COL5A1: variants seen among roughly 807,000 people sequenced by gnomAD.
COL5A1 encodes the protein collagen alpha-1(V) chain.
A neutral mutation model predicts 263.7 loss-of-function variants in COL5A1; 16 were observed. That is an observed-to-expected ratio of 0.06 (90% CI 0.04 to 0.09). The LOEUF is 0.09. COL5A1 is among the 10% of genes least tolerant of loss of function. COL5A1 has a pLI of 1.00. For missense variants in COL5A1, 2,036 were observed against 2,540.5 expected (o/e 0.80, Z 4.27); for synonymous variants, 1,012 against 1,004.5 (o/e 1.01, Z -0.14).
At chr9:134,827,746 G>A (rs1333755655) in intron 63 of COL5A1, among the ~76,000 whole-genome samples, 1 of 152,194 alleles carries the variant, frequency 6.6e-6, no homozygotes, top group African/African-American at 2.4e-5. Flanking sequence ...AAGGGCAAGT[G>A]GAGACGCTTT....
chr9:134,715,004 G>C (rs1172930714), intron 4 of COL5A1, among the ~76,000 whole-genome samples: 1 of 152,016 alleles, frequency 6.6e-6, no homozygotes, highest in Non-Finnish European at 1.5e-5. Context: ...AGAAAAGAAA[G>C]AGACACAGAG....
In COL5A1 at chr9:134,690,738, C is replaced by T. The variant is rs147077105; in HGVS notation, c.110-174C>T. 9.0e-4 allele frequency among the ~76,000 whole-genome samples: 137 copies of T among 152,304 alleles called. 1 individual carries two copies. Among genetic ancestry groups the T allele is most frequent in the Non-Finnish European group, 1.6e-3 (112 of 68,020 alleles). ...ACAAGGATGGGACCCTCCTCCGCAG[C>T]GTGGTGCCCTGCCTCGCCCAGCACG... is the stretch of plus-strand genomic sequence containing the variant. On this transcript the variant is annotated intron_variant, in intron 1 of 65. Transcript: ENST00000371817.
chr9:134,760,655 A>ACT (rs1836362768), intron 18 of COL5A1, among the ~76,000 whole-genome samples: 1 of 118,918 alleles, frequency 8.4e-6, no homozygotes, highest in Non-Finnish European at 1.7e-5. Context: ...ACTCATGCAC[A>ACT]CACACACACC....
At position 134,757,088 on chromosome 9, in the gene COL5A1, G is replaced by A. The variant is rs1009859144; in HGVS notation, c.1881+270G>A. 6.6e-6 allele frequency among the ~76,000 whole-genome samples: 1 copy of A among 152,124 alleles called. No homozygotes were observed. ...GGGATCCCGACTATGAAAACCATCC[G>A]TGGCCGTGCAGGTGACGAGGCGCAT... On this transcript the variant is annotated intron_variant, in intron 17 of 65. Coordinates refer to ENST00000371817, the MANE Select transcript of COL5A1 (RefSeq NM_000093.5). This position sits in a 1 kb window ranked among gnomAD's most constrained non-coding sequence, Gnocchi z 6.2.
At chr9:134,695,602 T>TA (rs913135013) in intron 2 of COL5A1, among the ~76,000 whole-genome samples, 5 of 152,144 alleles carry the variant, frequency 3.3e-5, no homozygotes, top group African/African-American at 1.2e-4. Context: ...CACTCCCCTG[T>TA]ACCCCCATAG....
At chr9:134,833,398 G>A (rs1240861467) in intron 64 of COL5A1, among the ~76,000 whole-genome samples, 1 of 152,208 alleles carries the variant, frequency 6.6e-6, no homozygotes, top group East Asian at 1.9e-4. Context: ...GCTGCACATT[G>A]TCCTCTGATG....
chr9:134,834,766 A>G (rs969243328), intron 64 of COL5A1, among the ~76,000 whole-genome samples: 7 of 152,198 alleles, frequency 4.6e-5, no homozygotes, highest in African/African-American at 1.7e-4. Flanking sequence ...CCTGAAGGAC[A>G]TGAGGCATGG....
At position 134,782,718 on chromosome 9, in the gene COL5A1, C is replaced by G. The variant is rs185912761; in HGVS notation, c.2482C>G (p.Arg828Gly). The G allele has an allele frequency of 6.4e-7, 1 of 1,552,716 alleles. No individual in the cohort carries two copies. The highest frequency in any genetic ancestry group is 8.7e-7 in the Non-Finnish European group (1 of 1,144,344). The change falls in exon 29 of 66, where the codon CGG (arginine) becomes GGG (glycine). Residue 828 changes from arginine to glycine, a missense_variant and splice_region_variant. Physicochemically the swap from Arg to Gly is moderately radical, Grantham distance 125. Around this residue, in one of 3 missense-constraint regions of COL5A1, gnomAD observed 1,078 missense variants for 1,521.4 expected, o/e 0.71. Transcript: ENST00000371817. ...FKGDMGIKGDRGEIGPPGPRG... is the reference protein window; with the variant it reads ...FKGDMGIKGDGGEIGPPGPRG... ...AGGAGACATGGGCATCAAGGGTGAT[C>G]GGGTGAGCATCTCAGGTTTGGGATT...
Position 134,677,310 on chromosome 9 carries a change from C to T in COL5A1, c.110-13602C>T, listed in dbSNP as rs1192507363. 6.6e-6 allele frequency among the ~76,000 whole-genome samples: 1 copy of T among 152,174 alleles called. No homozygotes were observed. The highest frequency in any genetic ancestry group is 1.5e-5 in the Non-Finnish European group (1 of 68,024). ...GAAGGCAGGCCCTGGTATTACACCT[C>T]CTTTCCTGCAGGGGAAAAGGCTCAG... On this transcript the variant is annotated intron_variant, in intron 1 of 65. Coordinates refer to ENST00000371817, the MANE Select transcript of COL5A1 (RefSeq NM_000093.5). This position sits in a 1 kb window ranked among gnomAD's most constrained non-coding sequence, Gnocchi z 4.4.
intron 1 of COL5A1, among the ~76,000 whole-genome samples, chr9:134,671,026 C>T (rs752873754): frequency 3.1e-4 from 47 of 152,178 alleles, no homozygotes; most frequent in Non-Finnish European, 5.3e-4. Context: ...GACGTGAAGT[C>T]GGGGCCTGCT....
At chr9:134,822,044 C>T (rs896078281) in intron 58 of COL5A1, 53 bp from the exon 59 acceptor site, 17 of 1,532,972 alleles carry the variant, frequency 1.1e-5, no homozygotes, top group African/African-American at 6.8e-5. Context: ...GTTGCAGCCC[C>T]GCAGCTCCTC....
intron 20 of COL5A1, 66 bp downstream of exon 20, chr9:134,763,803 T>A: frequency 6.7e-7 from 1 of 1,486,832 alleles, no homozygotes; most frequent in Non-Finnish European, 9.4e-7. Flanking sequence ...CCAAGGCTCC[T>A]GCTGGAGCAG....
chr9:134,644,884 G>A (rs1831425048), intron 1 of COL5A1, among the ~76,000 whole-genome samples: 1 of 152,214 alleles, frequency 6.6e-6, no homozygotes, highest in African/African-American at 2.4e-5. Context: ...AGTCGGCCAA[G>A]TTTTGTGAGA....
chr9:134,708,421 G>GA (rs1038594128), intron 4 of COL5A1: 7 of 408,190 alleles, frequency 1.7e-5, no homozygotes, highest in South Asian at 1.1e-4. Context: ...GCAACTCCCG[G>GA]GGTGGGGGCT....
Position 134,742,939 on chromosome 9 carries a change from G to A in COL5A1, c.1494+4131G>A, listed in dbSNP as rs1835350832. ...TCAGTAAAGATTCAGGCCCCAGTGA[G>A]TCCCGCCTTCCATGGACTTCCAGGG... On this transcript the variant is annotated intron_variant, in intron 11 of 65. Transcript: ENST00000371817. This position sits in a 1 kb window ranked among gnomAD's most constrained non-coding sequence, Gnocchi z 4.6. 6.6e-6 allele frequency among the ~76,000 whole-genome samples: 1 copy of A among 152,056 alleles called. No individual in the cohort carries two copies. The highest frequency in any genetic ancestry group is 6.6e-5 in the Admixed American group (1 of 15,238).
At chr9:134,830,279 C>A in intron 64 of COL5A1, 2 of 1,243,822 alleles carry the variant, frequency 1.6e-6, no homozygotes, top group Non-Finnish European at 2.3e-6. Context: ...TGCCACACCG[C>A]TCTTGCCAAA....
chr9:134,702,550 G>A (rs1389851814), intron 4 of COL5A1, among the ~76,000 whole-genome samples: 2 of 152,200 alleles, frequency 1.3e-5, no homozygotes, highest in Non-Finnish European at 2.9e-5. Flanking sequence ...CCAAGGGCAC[G>A]CGAAGGAGAC....
chr9:134,743,556 C>G (rs758297348), intron 11 of COL5A1, among the ~76,000 whole-genome samples: 22 of 152,328 alleles, frequency 1.4e-4, no homozygotes, highest in Middle Eastern at 3.4e-3. Context: ...CCAGCCGCCT[C>G]AGGGTCAGAG....
At position 134,701,402 on chromosome 9, in the gene COL5A1, TG is replaced by T. The variant is rs1428430991; in HGVS notation, c.654+70del. 2.0e-6 allele frequency: 3 copies of T among 1,520,410 alleles called. No homozygotes were observed. The African/African-American group carries it at 4.1e-5, about 21-fold the overall frequency. The allele number at this position is 1,520,410 out of a possible 1,614,324, so 94.2% of individuals were successfully genotyped here. A position where few individuals can be genotyped will look rare whatever the true frequency, so the allele number is the denominator to read the frequency against. Reference sequence around the variant, plus strand: ...CCTCCTGTGGAGCCACTGTGACTGCTGTTGGAGGAGGCTCCTCGGGCCGGGA... The same window carrying T: ...CCTCCTGTGGAGCCACTGTGACTGCTTTGGAGGAGGCTCCTCGGGCCGGGA... On this transcript the variant is annotated intron_variant, in intron 4 of 65. Transcript: ENST00000371817.
Sources: gnomAD v4.1 joint callset for allele counts (sites outside exome capture counted in the v4.1 genomes callset) on GRCh38, gnomAD v4.1.1 for gene constraint, gnomAD v4.1.1 regional missense constraint, Gnocchi (gnomAD v3.1) non-coding constraint, MANE v1.5 for transcripts, NCBI Gene and HGNC (gene_info 2026-07-23, HGNC 2026-07-21) for gene names.